Variants in NFIA observed in about 807,000 individuals in gnomAD.
NFIA encodes nuclear factor 1 A-type.
A neutral mutation model predicts 62.8 loss-of-function variants in NFIA; 8 were observed. The ratio of observed to expected loss-of-function variants is 0.13; its 90% confidence interval spans 0.07 to 0.23. The LOEUF is 0.23. Among genes scored for constraint, NFIA ranks in the 10% least tolerant of loss-of-function variants. The pLI, the probability that NFIA is intolerant of heterozygous loss-of-function variation, is 1.00. For missense variants in NFIA, 410 were observed against 642.1 expected (o/e 0.64, Z 3.91); for synonymous variants, 235 against 238.1 (o/e 0.99, Z 0.12).
chr1:61,450,552 T>C (rs757967174), intron 10 of NFIA, among the ~76,000 whole-genome samples: 3 of 152,184 alleles, frequency 2.0e-5, no homozygotes, highest in Admixed American at 6.5e-5. Flanking sequence ...CTTTGGGGGC[T>C]GATGAGGAGC....
In NFIA at chr1:61,406,736, G is replaced by A. The variant is rs772635524; in HGVS notation, c.1420+9G>A. The stretch of plus-strand genomic sequence containing the variant: ...CTCCCCCACGTCACCAAGTAAGTAT[G>A]GCTGCGACAAGGCGCCGGTCACTTC... On this transcript the variant is annotated intron_variant, in intron 9 of 10. Transcript: ENST00000403491. The A allele has an allele frequency of 6.3e-7, 1 of 1,599,160 alleles. No individual in the cohort carries two copies. Among genetic ancestry groups the A allele is most frequent in the Non-Finnish European group, 8.5e-7 (1 of 1,172,650 alleles).
chr1:61,451,255 G>A (rs1490337131), intron 10 of NFIA, among the ~76,000 whole-genome samples: 5 of 152,286 alleles, frequency 3.3e-5, no homozygotes, highest in African/African-American at 1.2e-4. Flanking sequence ...AAATTAACGG[G>A]CGGCAAGTGT....
chr1:61,255,909 C>T (rs572289036), intron 2 of NFIA, among the ~76,000 whole-genome samples: 2 of 152,268 alleles, frequency 1.3e-5, no homozygotes, highest in Admixed American at 6.5e-5. Context: ...CTTCCCATGT[C>T]AACTAATGTG....
chr1:61,198,016 GAGAA>G (rs1469003563), intron 2 of NFIA, among the ~76,000 whole-genome samples: 2 of 152,070 alleles, frequency 1.3e-5, no homozygotes, highest in East Asian at 1.9e-4. Flanking sequence ...AAGAAAGAAA[GAGAA>G]AGAACGAACA....
At chr1:61,296,982 A>G (rs1224788618) in intron 3 of NFIA, among the ~76,000 whole-genome samples, 1 of 152,136 alleles carries the variant, frequency 6.6e-6, no homozygotes, top group Admixed American at 6.5e-5. Context: ...GGAGGTTCTT[A>G]CTTATAATGT....
chr1:61,444,573 G>A (rs1040518086), intron 10 of NFIA, among the ~76,000 whole-genome samples: 3 of 152,160 alleles, frequency 2.0e-5, no homozygotes, highest in Non-Finnish European at 4.4e-5. Context: ...GGTGTTCCTT[G>A]AGAACAATAC....
intron 2 of NFIA, among the ~76,000 whole-genome samples, chr1:61,167,469 T>G (rs1438350779): frequency 1.3e-5 from 2 of 152,224 alleles, no homozygotes; most frequent in Non-Finnish European, 2.9e-5. Context: ...AAGGTCATAT[T>G]ACTGTTGTGT....
intron 2 of NFIA, among the ~76,000 whole-genome samples, chr1:61,241,066 A>T (rs1439975159): frequency 6.6e-6 from 1 of 151,696 alleles, no homozygotes; most frequent in Non-Finnish European, 1.5e-5. Flanking sequence ...TCCTTAAGAG[A>T]GTTTCCATGA....
At chr1:61,130,459 A>G (rs1429633299) in intron 2 of NFIA, among the ~76,000 whole-genome samples, 7 of 152,264 alleles carry the variant, frequency 4.6e-5, no homozygotes, top group African/African-American at 1.4e-4. Context: ...GAGAAAGTTA[A>G]TGAGTAGAAA....
chr1:61,210,894 G>A (rs1160646852), intron 2 of NFIA, among the ~76,000 whole-genome samples: 2 of 152,292 alleles, frequency 1.3e-5, no homozygotes, highest in African/African-American at 4.8e-5. Context: ...AGTTTGCCTA[G>A]CTCTTTGGCA....
intron 2 of NFIA, among the ~76,000 whole-genome samples, chr1:61,199,601 GT>G (rs1389513206): frequency 6.6e-6 from 1 of 152,110 alleles, no homozygotes; most frequent in African/African-American, 2.4e-5. Flanking sequence ...GAAAATGGAA[GT>G]TTTTTCTGGT....
chr1:61,344,306 C>T (rs930590397), intron 4 of NFIA, among the ~76,000 whole-genome samples: 1 of 152,206 alleles, frequency 6.6e-6, no homozygotes, highest in African/African-American at 2.4e-5. Flanking sequence ...AACTTTCTTA[C>T]AAGATCTTTG....
chr1:61,449,605 C>T (rs1667972418), intron 10 of NFIA, among the ~76,000 whole-genome samples: 1 of 152,118 alleles, frequency 6.6e-6, no homozygotes. Flanking sequence ...AAGCATTTGG[C>T]TTTGGGGGAT....
At chr1:61,436,053 A>G (rs957969645) in intron 10 of NFIA, among the ~76,000 whole-genome samples, 10 of 152,168 alleles carry the variant, frequency 6.6e-5, no homozygotes, top group Non-Finnish European at 1.5e-5. Flanking sequence ...CGTTTTGTGC[A>G]GACCTGCTCC....
intron 3 of NFIA, among the ~76,000 whole-genome samples, chr1:61,294,871 G>A (rs918870563): frequency 6.6e-6 from 1 of 152,302 alleles, no homozygotes; most frequent in Admixed American, 6.5e-5. Flanking sequence ...CTTCTGTATA[G>A]AGCATGTCAT....
At chr1:61,110,140 C>G (rs1425486107) in intron 2 of NFIA, among the ~76,000 whole-genome samples, 1 of 151,896 alleles carries the variant, frequency 6.6e-6, no homozygotes, top group African/African-American at 2.4e-5. Flanking sequence ...AATTCAATTG[C>G]CATCCATTAG....
intron 2 of NFIA, among the ~76,000 whole-genome samples, chr1:61,140,800 A>G (rs906678700): frequency 6.6e-6 from 1 of 152,038 alleles, no homozygotes; most frequent in Non-Finnish European, 1.5e-5. Flanking sequence ...GGCATCCTGC[A>G]TTTAGGATTA....
At chr1:61,269,920 G>A (rs1423175681) in intron 2 of NFIA, among the ~76,000 whole-genome samples, 1 of 152,148 alleles carries the variant, frequency 6.6e-6, no homozygotes, top group African/African-American at 2.4e-5. Flanking sequence ...CTACTTCCTG[G>A]CTTAGACAAA....
At chr1:61,421,396 G>A (rs529090689) in intron 9 of NFIA, among the ~76,000 whole-genome samples, 57 of 152,190 alleles carry the variant, frequency 3.7e-4, no homozygotes, top group Non-Finnish European at 7.1e-4. Context: ...GATGCACTGC[G>A]GAAGCTAGAC....
Sources: gnomAD v4.1 joint callset for allele counts (sites outside exome capture counted in the v4.1 genomes callset) on GRCh38, gnomAD v4.1.1 for gene constraint, MANE v1.5 for transcripts, NCBI Gene and HGNC (gene_info 2026-07-23, HGNC 2026-07-21) for gene names.